PTPRG: variants seen among roughly 807,000 people sequenced by gnomAD.
PTPRG encodes receptor-type tyrosine-protein phosphatase gamma.
A neutral mutation model predicts 165.3 loss-of-function variants in PTPRG; 102 were observed. That is an observed-to-expected ratio of 0.62 (90% CI 0.53 to 0.73). The LOEUF is 0.73. Among genes scored for constraint, PTPRG ranks in the 30% least tolerant of loss-of-function variants. The pLI is 0.00. For missense variants in PTPRG, 1,866 were observed against 1,861.4 expected (o/e 1.00, Z -0.05); for synonymous variants, 675 against 669.5 (o/e 1.01, Z -0.13).
chr3:61,829,075 C>T (rs535593468), intron 2 of PTPRG, among the ~76,000 whole-genome samples: 2 of 152,098 alleles, frequency 1.3e-5, no homozygotes, highest in African/African-American at 4.8e-5. Flanking sequence ...TGTGTGTGCC[C>T]GAGTACGTGC....
chr3:62,239,558 C>T (rs1327276967), intron 14 of PTPRG, among the ~76,000 whole-genome samples: 6 of 151,638 alleles, frequency 4.0e-5, no homozygotes, highest in Non-Finnish European at 7.4e-5. Flanking sequence ...TTAGTATAGA[C>T]GGGGTTTCAC....
At chr3:62,013,844 T>C (rs2041482441) in intron 4 of PTPRG, among the ~76,000 whole-genome samples, 2 of 152,158 alleles carry the variant, frequency 1.3e-5, no homozygotes, top group Admixed American at 1.3e-4. Flanking sequence ...TTGCAACATT[T>C]GTTCCTGGAG....
At chr3:62,007,215 G>A (rs1044813956) in intron 4 of PTPRG, among the ~76,000 whole-genome samples, 1 of 152,182 alleles carries the variant, frequency 6.6e-6, no homozygotes, top group Non-Finnish European at 1.5e-5. Context: ...TGTAGGTTTT[G>A]TTGCTTCCCA....
intron 2 of PTPRG, among the ~76,000 whole-genome samples, chr3:61,936,729 G>A (rs1022585224): frequency 6.6e-6 from 1 of 152,146 alleles, no homozygotes; most frequent in Non-Finnish European, 1.5e-5. Flanking sequence ...AGGTTATGGC[G>A]TCTGAAATCC....
intron 4 of PTPRG, among the ~76,000 whole-genome samples, chr3:62,045,520 C>T (rs562652777): frequency 6.6e-6 from 1 of 152,218 alleles, no homozygotes; most frequent in Non-Finnish European, 1.5e-5. Flanking sequence ...TCATTTTGTC[C>T]AGCTCTTAGA....
chr3:62,180,165 G>T (rs1705592092), intron 8 of PTPRG, among the ~76,000 whole-genome samples: 1 of 152,172 alleles, frequency 6.6e-6, no homozygotes, highest in Non-Finnish European at 1.5e-5. Context: ...CCCAGCTAAA[G>T]CCATCTGTGT....
At chr3:62,038,154 T>G (rs894017657) in intron 4 of PTPRG, among the ~76,000 whole-genome samples, 1 of 152,148 alleles carries the variant, frequency 6.6e-6, no homozygotes, top group Non-Finnish European at 1.5e-5. Context: ...TAAAACTAGT[T>G]TGGTCTAGGG....
intron 5 of PTPRG, among the ~76,000 whole-genome samples, chr3:62,121,795 G>A (rs763128520): frequency 4.6e-5 from 7 of 152,208 alleles, no homozygotes; most frequent in Non-Finnish European, 1.0e-4. Context: ...GCTCTATGAA[G>A]AAATCATATT....
intron 1 of PTPRG, among the ~76,000 whole-genome samples, chr3:61,708,238 A>T (rs2031362545): frequency 6.6e-6 from 1 of 151,952 alleles, no homozygotes; most frequent in African/African-American, 2.4e-5. Flanking sequence ...TTGAGTCACT[A>T]TGTCAGGGCA....
rs149894308 is a variant in PTPRG, at chr3:61,876,986, C to CTT, written c.191-112630_191-112629dup. Reference sequence around the variant, plus strand: ...CGTTCTTGTGGTTCTCCCTTTATTCCTTTTTTTTTTGACATTAAGAAATAC... The same window carrying CTT: ...CGTTCTTGTGGTTCTCCCTTTATTCCTTTTTTTTTTTTGACATTAAGAAATAC... On this transcript the variant is annotated intron_variant, in intron 2 of 29. Coordinates refer to ENST00000474889, the MANE Select transcript of PTPRG (RefSeq NM_002841.4). 9.0e-3 allele frequency among the ~76,000 whole-genome samples: 1,341 copies of CTT among 148,502 alleles called. 18 individuals are homozygous for CTT. Among genetic ancestry groups the CTT allele is most frequent in the African/African-American group, 0.03 (1,224 of 40,556 alleles).
chr3:61,974,043 G>C (rs1375427352), intron 2 of PTPRG, among the ~76,000 whole-genome samples: 1 of 152,026 alleles, frequency 6.6e-6, no homozygotes, highest in African/African-American at 2.4e-5. Context: ...CAACACCACA[G>C]AGCCATACTC....
chr3:61,907,660 A>G (rs1012556337), intron 2 of PTPRG, among the ~76,000 whole-genome samples: 3 of 152,220 alleles, frequency 2.0e-5, no homozygotes, highest in Non-Finnish European at 4.4e-5. Flanking sequence ...CCTGTAATTA[A>G]GGGAACACAG....
Position 61,742,758 on chromosome 3 carries a change from G to C in PTPRG, c.86-6120G>C. On this transcript the variant is annotated intron_variant, in intron 1 of 29. Coordinates refer to ENST00000474889, the MANE Select transcript of PTPRG (RefSeq NM_002841.4). ...GGCCGAGGATTCGTGGAATCTGCTT[G>C]ATCAGAGACTCTGAGGCCAAAAACG... is the stretch of plus-strand genomic sequence containing the variant. 4 of 1,611,486 alleles carry C rather than the reference G, an allele frequency of 2.5e-6. No homozygotes were observed. In the East Asian group the frequency reaches 6.7e-5, roughly 27 times the overall value.
chr3:61,948,403 T>C (rs936888247), intron 2 of PTPRG, among the ~76,000 whole-genome samples: 2 of 152,136 alleles, frequency 1.3e-5, no homozygotes, highest in African/African-American at 4.8e-5. Context: ...CCAAGAATTA[T>C]TGAGCACCTG....
intron 9 of PTPRG, among the ~76,000 whole-genome samples, chr3:62,192,470 G>A (rs372692273): frequency 3.0e-5 from 4 of 133,828 alleles, no homozygotes; most frequent in South Asian, 2.5e-4. Flanking sequence ...GTGCAGTGGC[G>A]CAATCTCGGC....
At chr3:61,562,704 A>C (rs1339336616) in intron 1 of PTPRG, among the ~76,000 whole-genome samples, 1 of 150,736 alleles carries the variant, frequency 6.6e-6, no homozygotes, top group Non-Finnish European at 1.5e-5. Context: ...CGATCGGGAG[A>C]ACTCGAGTTG....
At chr3:61,710,574 A>T (rs2031499797) in intron 1 of PTPRG, among the ~76,000 whole-genome samples, 1 of 152,152 alleles carries the variant, frequency 6.6e-6, no homozygotes, top group Non-Finnish European at 1.5e-5. Context: ...GGCCCAACAC[A>T]AATTCGTAAA....
intron 4 of PTPRG, among the ~76,000 whole-genome samples, chr3:62,063,768 G>A (rs1700903783): frequency 6.6e-6 from 1 of 152,076 alleles, no homozygotes. Context: ...CTCCCAAAAT[G>A]CTGGGATTCT....
chr3:61,847,062 T>C (rs1470378214), intron 2 of PTPRG, among the ~76,000 whole-genome samples: 1 of 152,128 alleles, frequency 6.6e-6, no homozygotes, highest in Non-Finnish European at 1.5e-5. Context: ...TTGTTTCCCC[T>C]TTCCCCCAGT....
Sources: allele counts gnomAD v4.1 joint callset (sites outside exome capture counted in the v4.1 genomes callset), GRCh38; gene constraint gnomAD v4.1.1; transcripts MANE v1.5; gene names NCBI Gene and HGNC (gene_info 2026-07-23, HGNC 2026-07-21).